Variants in ST6GALNAC5 observed in about 807,000 individuals in gnomAD.
The protein encoded by ST6GALNAC5 is ST6 N-acetylgalactosaminide alpha-2,6-sialyltransferase 5, also known as alpha-N-acetylgalactosaminide alpha-2,6-sialyltransferase 5.
Under a neutral mutation model 33.6 loss-of-function variants are expected in ST6GALNAC5, and 27 were observed. The ratio of observed to expected loss-of-function variants is 0.80; its 90% CI spans 0.59 to 1.11. ST6GALNAC5 has a LOEUF of 1.11. ST6GALNAC5 is among the 50% of genes least tolerant of loss of function. The probability of loss-of-function intolerance (pLI) is 0.00; values close to 1 mark genes in which losing one functional copy is unlikely to be tolerated. For missense variants in ST6GALNAC5, 428 were observed against 454.0 expected, an observed-to-expected ratio of 0.94 and a Z score of 0.52; for synonymous variants, 194 against 171.2, an observed-to-expected ratio of 1.13 and a Z score of -1.04.
intron 2 of ST6GALNAC5, among the ~76,000 whole-genome samples, chr1:76,879,098 AT>A (rs1337749472): frequency 2.6e-5 from 4 of 152,142 alleles, no homozygotes; most frequent in African/African-American, 9.7e-5. Context: ...GCCCTCATAA[AT>A]CTATTTCACA....
chr1:77,042,624 A>G (rs1461141643), intron 2 of ST6GALNAC5, among the ~76,000 whole-genome samples: 2 of 152,214 alleles, frequency 1.3e-5, no homozygotes, highest in Non-Finnish European at 2.9e-5. Context: ...GGAACCCTGG[A>G]CAAGAGCAAA....
chr1:76,994,137 C>G (rs748536453), intron 2 of ST6GALNAC5, among the ~76,000 whole-genome samples: 1 of 152,088 alleles, frequency 6.6e-6, no homozygotes, highest in Non-Finnish European at 1.5e-5. Flanking sequence ...CTGAATTCAC[C>G]CACTGTTGAA....
At chr1:76,944,538 G>A (rs1314458639) in intron 2 of ST6GALNAC5, among the ~76,000 whole-genome samples, 10 of 151,924 alleles carry the variant, frequency 6.6e-5, no homozygotes, top group Admixed American at 3.3e-4. Context: ...CATTAGGGCC[G>A]GGATTTTTGT....
At chr1:76,944,806 C>G (rs1647457636) in intron 2 of ST6GALNAC5, among the ~76,000 whole-genome samples, 1 of 152,210 alleles carries the variant, frequency 6.6e-6, no homozygotes, top group African/African-American at 2.4e-5. Flanking sequence ...CTTCCCTCCA[C>G]TAGTTTTTCT....
At chr1:76,880,767 A>G (rs1047424576) in intron 2 of ST6GALNAC5, among the ~76,000 whole-genome samples, 1 of 152,184 alleles carries the variant, frequency 6.6e-6, no homozygotes, top group Non-Finnish European at 1.5e-5. Flanking sequence ...CAGGATTAAT[A>G]CTTTGTATCC....
At chr1:76,956,789 C>A (rs144502534) in intron 2 of ST6GALNAC5, among the ~76,000 whole-genome samples, 1,715 of 152,150 alleles carry the variant, frequency 0.011, 34 homozygotes, top group African/African-American at 0.039. Flanking sequence ...ACACAGTAAC[C>A]AAAGTCACAT....
intron 4 of ST6GALNAC5, among the ~76,000 whole-genome samples, chr1:77,060,396 T>C (rs1652537186): frequency 6.6e-6 from 1 of 152,160 alleles, no homozygotes; most frequent in South Asian, 2.1e-4. Flanking sequence ...CTTTAGAAAG[T>C]CAGGTTTGAG....
At chr1:76,963,533 A>G (rs1270477731) in intron 2 of ST6GALNAC5, among the ~76,000 whole-genome samples, 1 of 152,228 alleles carries the variant, frequency 6.6e-6, no homozygotes, top group African/African-American at 2.4e-5. Context: ...TGGGGTGTCC[A>G]AATCACAAGC....
At chr1:76,918,103 T>TA (rs1224459906) in intron 2 of ST6GALNAC5, among the ~76,000 whole-genome samples, 1 of 152,132 alleles carries the variant, frequency 6.6e-6, no homozygotes, top group Non-Finnish European at 1.5e-5. Flanking sequence ...CTAGGTAACA[T>TA]ATGAAGAATT....
chr1:76,910,435 T>G (rs1463582409), intron 2 of ST6GALNAC5, among the ~76,000 whole-genome samples: 1 of 152,038 alleles, frequency 6.6e-6, no homozygotes, highest in African/African-American at 2.4e-5. Context: ...GGAAAGCGTT[T>G]TAGCTGTCTA....
At chr1:76,980,654 C>T (rs1450499198) in intron 2 of ST6GALNAC5, among the ~76,000 whole-genome samples, 7 of 152,132 alleles carry the variant, frequency 4.6e-5, no homozygotes, top group Non-Finnish European at 1.0e-4. Flanking sequence ...GCTACCTGGA[C>T]AACTGCATAT....
chr1:76,981,432 G>C (rs988628073), intron 2 of ST6GALNAC5, among the ~76,000 whole-genome samples: 2 of 152,168 alleles, frequency 1.3e-5, no homozygotes, highest in Non-Finnish European at 2.9e-5. Context: ...AGCGTGGCTG[G>C]GGGAGGGGCA....
chr1:77,030,309 A>G (rs1474925654), intron 2 of ST6GALNAC5, among the ~76,000 whole-genome samples: 2 of 152,222 alleles, frequency 1.3e-5, no homozygotes, highest in African/African-American at 4.8e-5. Flanking sequence ...CACTGACACT[A>G]GCTGTGCTGC....
At chr1:76,902,696 A>C (rs1396554451) in intron 2 of ST6GALNAC5, among the ~76,000 whole-genome samples, 1 of 152,222 alleles carries the variant, frequency 6.6e-6, no homozygotes, top group Non-Finnish European at 1.5e-5. Context: ...ATAAACATAT[A>C]GATTAGTGGG....
intron 2 of ST6GALNAC5, among the ~76,000 whole-genome samples, chr1:76,931,821 A>G (rs2100310838): frequency 6.6e-6 from 1 of 152,256 alleles, no homozygotes; most frequent in African/African-American, 2.4e-5. Context: ...TCATCTGTAG[A>G]CATTAAAGAA....
At chr1:77,016,951 G>A (rs1412784184) in intron 2 of ST6GALNAC5, among the ~76,000 whole-genome samples, 1 of 152,004 alleles carries the variant, frequency 6.6e-6, no homozygotes, top group Non-Finnish European at 1.5e-5. Flanking sequence ...AGTGACATGA[G>A]CAATTTAAAA....
chr1:76,969,061 G>T (rs1054164213), intron 2 of ST6GALNAC5, among the ~76,000 whole-genome samples: 4 of 152,016 alleles, frequency 2.6e-5, no homozygotes, highest in African/African-American at 9.7e-5. Context: ...TTCCAAAATG[G>T]CCAAATAGGA....
chr1:76,971,389 G>A (rs550144122), intron 2 of ST6GALNAC5, among the ~76,000 whole-genome samples: 5 of 152,176 alleles, frequency 3.3e-5, no homozygotes, highest in Admixed American at 2.6e-4. Flanking sequence ...ACACTTGCGT[G>A]GGATATTGAT....
chr1:76,933,711 G>A (rs556820921), intron 2 of ST6GALNAC5, among the ~76,000 whole-genome samples: 15 of 134,644 alleles, frequency 1.1e-4, no homozygotes, highest in African/African-American at 3.4e-4. Context: ...GAGAAGAGAC[G>A]TATCCTTGAC....
Sources: gnomAD v4.1 joint callset for allele counts (sites outside exome capture counted in the v4.1 genomes callset) on GRCh38, gnomAD v4.1.1 for gene constraint, MANE v1.5 for transcripts, NCBI Gene and HGNC (gene_info 2026-07-23, HGNC 2026-07-21) for gene names.